ARSF: variants seen among roughly 807,000 people sequenced by gnomAD.
ARSF encodes arylsulfatase F.
A neutral mutation model predicts 35.4 loss-of-function variants in ARSF; 33 were observed. The ratio of observed to expected loss-of-function variants is 0.93; its 90% confidence interval spans 0.71 to 1.25. ARSF has a LOEUF of 1.25. Among genes scored for constraint, ARSF ranks in the 50% most tolerant of loss-of-function variants. The pLI is 0.00. For missense variants in ARSF, 501 were observed against 480.2 expected, an observed-to-expected ratio of 1.04 and a Z score of -0.40; for synonymous variants, 222 against 193.1, an observed-to-expected ratio of 1.15 and a Z score of -1.24.
At chrX:3,098,089 A>ACAC (rs2090350416) in intron 7 of ARSF, among the ~76,000 whole-genome samples, 1 of 44,311 alleles carries the variant, frequency 2.3e-5, no homozygotes, top group African/African-American at 8.3e-5. Context: ...CACACACACA[A>ACAC]TGGACACTTT....
chrX:3,092,063 A>G (rs2090295777), intron 7 of ARSF, among the ~76,000 whole-genome samples: 1 of 111,094 alleles, frequency 9.0e-6, no homozygotes. Context: ...TACATGATAC[A>G]TATGACAGAT....
At chrX:3,050,704 C>T (rs1349626307) in intron 1 of ARSF, among the ~76,000 whole-genome samples, 1 of 110,993 alleles carries the variant, frequency 9.0e-6, no homozygotes, top group Non-Finnish European at 1.9e-5. Context: ...GTCCCTTCTC[C>T]GCTGAGTCTT....
At chrX:3,093,083 G>C (rs751811459) in intron 7 of ARSF, among the ~76,000 whole-genome samples, 2 of 110,470 alleles carry the variant, frequency 1.8e-5, no homozygotes, top group Non-Finnish European at 3.8e-5. Context: ...GGAGAATGGC[G>C]TGAACCTGGG....
intron 4 of ARSF, among the ~76,000 whole-genome samples, chrX:3,078,648 C>T (rs146689648): frequency 0.031 from 3,383 of 110,395 alleles, 57 homozygotes; most frequent in Middle Eastern, 0.098. Flanking sequence ...TACAGGTACC[C>T]GCCACCATGC....
At chrX:3,050,102 T>C (rs893162992) in intron 1 of ARSF, among the ~76,000 whole-genome samples, 4 of 110,725 alleles carry the variant, frequency 3.6e-5, no homozygotes, top group African/African-American at 1.3e-4. Context: ...TGTTAAGAAA[T>C]AAAAGAAAAG....
At chrX:3,067,860 A>G (rs999928276) in intron 1 of ARSF, among the ~76,000 whole-genome samples, 3 of 109,697 alleles carry the variant, frequency 2.7e-5, no homozygotes, top group Non-Finnish European at 5.7e-5. Flanking sequence ...CCGGCTCAAA[A>G]AAAAAAAAAA....
At chrX:3,111,056 C>G (rs1487767273) in intron 10 of ARSF, among the ~76,000 whole-genome samples, 1 of 111,394 alleles carries the variant, frequency 9.0e-6, no homozygotes, top group African/African-American at 3.3e-5. Flanking sequence ...AAAAGAAGCC[C>G]AAGAACCAGC....
At chrX:3,074,869 G>C (rs112626241) in intron 3 of ARSF, among the ~76,000 whole-genome samples, 8,192 of 110,497 alleles carry the variant, frequency 0.074, 424 homozygotes, top group African/African-American at 0.19. Context: ...TCACCCCAGC[G>C]CCTGATACCC....
chrX:3,052,682 C>A (rs1324054732), intron 1 of ARSF, among the ~76,000 whole-genome samples: 1 of 62,628 alleles, frequency 1.6e-5, no homozygotes, highest in Non-Finnish European at 2.8e-5. Flanking sequence ...GACAGTGAGA[C>A]CCTGTCTCAA....
At chrX:3,066,901 A>G (rs1603464253) in intron 1 of ARSF, 2 of 82,621 alleles carry the variant, frequency 2.4e-5, no homozygotes, top group African/African-American at 9.3e-5. Flanking sequence ...GTTTGGACAC[A>G]TTTTCTCAGC....
At position 3,110,199 on chromosome X, in the gene ARSF, T is replaced by C; in HGVS notation, c.1337T>C (p.Phe446Ser). The change falls in exon 10 of 11, where the codon TTC becomes TCC. Residue 446 changes from phenylalanine to serine, a missense_variant. Coordinates refer to ENST00000381127, the MANE Select transcript of ARSF (RefSeq NM_001201539.2). The stretch of plus-strand genomic sequence containing the variant: ...AGGCACTCGGAGCATGAATTTCTTT[T>C]CCACTACTGTGGCTCCTACCTGCAC... ...NVRHSEHEFL[F>S]HYCGSYLHAV... 4 of 1,205,100 alleles carry C rather than the reference T, an allele frequency of 3.3e-6. No homozygotes were observed. The highest frequency in any genetic ancestry group is 2.2e-5 in the Admixed American group (1 of 45,565).
intron 9 of ARSF, among the ~76,000 whole-genome samples, chrX:3,104,950 T>A (rs2090402995): frequency 9.0e-6 from 1 of 111,703 alleles, no homozygotes; most frequent in Non-Finnish European, 1.9e-5. Context: ...CTATCATGAA[T>A]ACTTTGAATT....
chrX:3,105,370 G>A (rs1445614195), intron 9 of ARSF, among the ~76,000 whole-genome samples: 2 of 112,293 alleles, frequency 1.8e-5, no homozygotes, highest in Non-Finnish European at 3.8e-5. Context: ...TTTCGGGACT[G>A]AACTTTAGAT....
chrX:3,061,821 A>G (rs2090043214), intron 1 of ARSF, among the ~76,000 whole-genome samples: 1 of 111,572 alleles, frequency 9.0e-6, no homozygotes, highest in African/African-American at 3.3e-5. Context: ...AGAGACCTAC[A>G]AAGAGACTTA....
chrX:3,095,665 G>T (rs1182830809), intron 7 of ARSF, among the ~76,000 whole-genome samples: 5 of 109,595 alleles, frequency 4.6e-5, no homozygotes, highest in Non-Finnish European at 7.6e-5. Context: ...AATTGCATTA[G>T]TCAGGTTATG....
At chrX:3,094,873 ATATT>A (rs1347583422) in intron 7 of ARSF, among the ~76,000 whole-genome samples, 2 of 109,282 alleles carry the variant, frequency 1.8e-5, no homozygotes, top group Non-Finnish European at 3.8e-5. Flanking sequence ...TATAATATAT[ATATT>A]TATATTATTT....
In ARSF at chrX:3,101,131, A is replaced by C; in HGVS notation, c.1012A>C (p.Thr338Pro). ...AIDDFGLRNN[T>P]LVYFTSDHGG... is the part of the protein sequence containing the mutation. ...CGATGATTTTGGCCTAAGGAACAAC[A>C]CCCTTGTCTACTTTACATCAGATCA... Residue 338 changes from threonine to proline, a missense_variant, in exon 8 of 11, where the codon ACC (threonine) becomes CCC (proline). Thr to Pro is a conservative substitution (Grantham distance 38). Coordinates refer to ENST00000381127, the MANE Select transcript of ARSF (RefSeq NM_001201539.2). 1 of 1,210,625 alleles carries C rather than the reference A, an allele frequency of 8.3e-7. No homozygotes were observed. Among genetic ancestry groups the C allele is most frequent in the Non-Finnish European group, 1.1e-6 (1 of 894,928 alleles).
Position 3,111,870 on chromosome X carries a change from G to C in ARSF, c.1391-304G>C, listed in dbSNP as rs954326735. Among the ~76,000 whole-genome samples, 5 of 109,666 alleles carry C rather than the reference G, an allele frequency of 4.6e-5. No individual in the cohort carries two copies. The East Asian group carries it at 1.4e-3, about 31-fold the overall frequency. ...ACGTAGCCTGCAACCCAGATCCCTCGCATGCACAGTTCACAATAGGTCTCG... is the reference window on the plus strand; with the variant it reads ...ACGTAGCCTGCAACCCAGATCCCTCCCATGCACAGTTCACAATAGGTCTCG... On this transcript the variant is annotated intron_variant, in intron 10 of 10. Transcript: ENST00000381127.
chrX:3,056,368 C>T (rs777460204), intron 1 of ARSF, among the ~76,000 whole-genome samples: 2 of 108,377 alleles, frequency 1.8e-5, no homozygotes, highest in African/African-American at 3.4e-5. Context: ...CTCTGCCTCC[C>T]GGGTTCAAGT....
Sources: allele counts gnomAD v4.1 joint callset (sites outside exome capture counted in the v4.1 genomes callset), GRCh38; gene constraint gnomAD v4.1.1; transcripts MANE v1.5; gene names NCBI Gene and HGNC (gene_info 2026-07-23, HGNC 2026-07-21).